The following SCN2A variants were observed in gnomAD, a reference collection of about 807,000 sequenced individuals.
SCN2A encodes sodium voltage-gated channel alpha subunit 2, also known as sodium channel protein type 2 subunit alpha.
SCN2A carries 20 observed loss-of-function variants against 188.7 expected under a neutral mutation model. The observed-to-expected ratio is 0.11, with a 90% CI of 0.07 to 0.15. SCN2A has a LOEUF of 0.15. SCN2A is among the 10% of genes least tolerant of loss of function. SCN2A has a pLI of 1.00. For synonymous variants in SCN2A, 804 were observed against 833.1 expected (o/e 0.97, Z 0.60); for missense variants, 1,278 against 2,445.0 (o/e 0.52, Z 10.07).
At chr2:165,347,454 C>A (rs1299363928) in intron 16 of SCN2A, among the ~76,000 whole-genome samples, 1 of 150,718 alleles carries the variant, frequency 6.6e-6, no homozygotes, top group Non-Finnish European at 1.5e-5. Context: ...GGGTGGGGGG[C>A]TAGGGGAGGG....
At chr2:165,284,227 G>T (rs1209121885) in intron 1 of SCN2A, among the ~76,000 whole-genome samples, 1 of 152,048 alleles carries the variant, frequency 6.6e-6, no homozygotes, top group Non-Finnish European at 1.5e-5. Flanking sequence ...TTGGAGTGCA[G>T]TGGCGCGATC....
At chr2:165,257,580 C>G (rs1694383657) in intron 1 of SCN2A, among the ~76,000 whole-genome samples, 2 of 151,788 alleles carry the variant, frequency 1.3e-5, no homozygotes, top group Admixed American at 1.3e-4. Flanking sequence ...GCTCTGTCAC[C>G]CAGGCTGGAG....
intron 14 of SCN2A, among the ~76,000 whole-genome samples, chr2:165,336,230 G>T (rs1311110169): frequency 1.3e-5 from 2 of 151,704 alleles, no homozygotes; most frequent in East Asian, 3.9e-4. Flanking sequence ...CACATGACCT[G>T]GCAGTTTTAC....
chr2:165,350,774 T>A (rs1216909507), intron 16 of SCN2A, among the ~76,000 whole-genome samples: 4 of 152,054 alleles, frequency 2.6e-5, no homozygotes. Context: ...CGGCCTGAAC[T>A]GTTTTCTTAA....
intron 13 of SCN2A, chr2:165,327,296 T>A: frequency 2.9e-6 from 1 of 346,728 alleles, no homozygotes; most frequent in Admixed American, 4.2e-5. Context: ...ATGCTTATAC[T>A]TATGATGATG....
Position 165,354,473 on chromosome 2 carries a change from T to C in SCN2A, c.3201T>C (p.Tyr1067=). ...TTIEIGKDLN[Y]LKDGNGTTSG... is the part of the protein sequence containing the mutation. ...TAGAAATAGGCAAAGACCTCAATTA[T>C]CTCAAAGACGGAAATGGAACTACTA... The change falls in exon 17 of 27, where the codon TAT becomes TAC. Residue 1067 remains tyrosine (Y), a synonymous_variant. Transcript: ENST00000375437. The C allele has an allele frequency of 1.9e-6, 3 of 1,614,090 alleles. No homozygotes were observed. Among genetic ancestry groups the C allele is most frequent in the Non-Finnish European group, 2.5e-6 (3 of 1,179,984 alleles).
chr2:165,389,257 A>G lies in SCN2A; in HGVS notation c.5451A>G (p.Lys1817=). ...CGACCCAGTTTATAGAGTTTGCCAA[A>G]CTTTCTGATTTTGCAGATGCCCTGG... ...PDATQFIEFA[K]LSDFADALDP... is the part of the protein sequence containing the mutation. Residue 1817 remains lysine, a synonymous_variant, in exon 27 of 27, where the codon AAA becomes AAG. Transcript: ENST00000375437. The surrounding 1 kb of genome is among the most constrained non-coding windows in gnomAD (Gnocchi z 4.2). 1 of 1,613,992 alleles carries G rather than the reference A, an allele frequency of 6.2e-7. No individual in the cohort carries two copies. The highest frequency in any genetic ancestry group is 8.5e-7 in the Non-Finnish European group (1 of 1,179,988).
chr2:165,278,680 A>G (rs1175379283), intron 1 of SCN2A, among the ~76,000 whole-genome samples: 1 of 152,162 alleles, frequency 6.6e-6, no homozygotes, highest in Non-Finnish European at 1.5e-5. Context: ...GCTCATGGCC[A>G]TAATCCCAGC....
chr2:165,328,508 C>A (rs144868697), intron 13 of SCN2A: 141 of 985,544 alleles, frequency 1.4e-4, no homozygotes, highest in Admixed American at 1.8e-4. Flanking sequence ...CATGTCTGCT[C>A]CCTAAAGCAG....
At chr2:165,299,448 CA>C (rs1696684686) in intron 3 of SCN2A, among the ~76,000 whole-genome samples, 1 of 152,194 alleles carries the variant, frequency 6.6e-6, no homozygotes, top group Non-Finnish European at 1.5e-5. Flanking sequence ...CTTAGAGTCA[CA>C]AATTTATTCC....
intron 11 of SCN2A, among the ~76,000 whole-genome samples, 183 bp from the exon 12 acceptor site, chr2:165,322,973 A>G (rs1382999523): frequency 1.3e-5 from 2 of 152,242 alleles, no homozygotes; most frequent in African/African-American, 4.8e-5. Flanking sequence ...AGAAAAGGTG[A>G]ACCTTGTAGA....
chr2:165,275,458 C>G (rs913130656), intron 1 of SCN2A, among the ~76,000 whole-genome samples: 4 of 152,170 alleles, frequency 2.6e-5, no homozygotes, highest in Admixed American at 2.0e-4. Flanking sequence ...TATCCCTCCA[C>G]TGGGTTACCT....
chr2:165,341,673 C>T (rs1025033887), intron 14 of SCN2A, among the ~76,000 whole-genome samples: 1 of 152,154 alleles, frequency 6.6e-6, no homozygotes, highest in African/African-American at 2.4e-5. Flanking sequence ...ACCTCTAAGA[C>T]GCTGAAGTAC....
intron 25 of SCN2A, among the ~76,000 whole-genome samples, chr2:165,386,369 C>T (rs1701873302): frequency 6.6e-6 from 1 of 152,068 alleles, no homozygotes; most frequent in African/African-American, 2.4e-5. Context: ...GAGGCTGAGG[C>T]AGGAGTATCG....
At position 165,373,254 on chromosome 2, in the gene SCN2A, C is replaced by T; in HGVS notation, c.3879C>T (p.Ala1293=). ...DVSLVSLTAN[A]LGYSELGAIK... ...CACTGGTTAGCTTAACTGCAAATGC[C>T]TTGGGTTACTCAGAACTTGGTGCCA... Residue 1293 remains alanine (A), a synonymous_variant, in exon 21 of 27, where the codon GCC becomes GCT. Coordinates refer to ENST00000375437, the MANE Select transcript of SCN2A (RefSeq NM_001040142.2). 6.2e-7 allele frequency: 1 copy of T among 1,613,408 alleles called. No individual in the cohort carries two copies. The highest frequency in any genetic ancestry group is 8.5e-7 in the Non-Finnish European group (1 of 1,179,488).
chr2:165,336,530 C>A (rs1231553401), intron 14 of SCN2A, among the ~76,000 whole-genome samples: 1 of 151,800 alleles, frequency 6.6e-6, no homozygotes, highest in East Asian at 1.9e-4. Flanking sequence ...TCATAACAGG[C>A]AAATCCATAG....
chr2:165,291,525 T>TTTCC (rs369490510), intron 1 of SCN2A, among the ~76,000 whole-genome samples: 6,021 of 58,562 alleles, frequency 0.1, 629 homozygotes, highest in Middle Eastern at 0.19. Context: ...CTCTCCTTTC[T>TTTCC]TTCCTTCCTT....
intron 1 of SCN2A, among the ~76,000 whole-genome samples, chr2:165,263,654 T>A (rs917735292): frequency 6.6e-6 from 1 of 152,096 alleles, no homozygotes; most frequent in Non-Finnish European, 1.5e-5. Flanking sequence ...ATGTGATGCC[T>A]CCAAATTTGT....
chr2:165,369,764 T>C (rs1184326021), intron 19 of SCN2A, among the ~76,000 whole-genome samples: 1 of 152,162 alleles, frequency 6.6e-6, no homozygotes, highest in Non-Finnish European at 1.5e-5. Context: ...CCCTGCTTTA[T>C]ATCTGCATTA....
Sources: gnomAD v4.1 joint callset for allele counts (sites outside exome capture counted in the v4.1 genomes callset) on GRCh38, gnomAD v4.1.1 for gene constraint, Gnocchi (gnomAD v3.1) non-coding constraint, MANE v1.5 for transcripts, NCBI Gene and HGNC (gene_info 2026-07-23, HGNC 2026-07-21) for gene names.